Variants in CFL1 observed in about 807,000 individuals in gnomAD.
The protein encoded by CFL1 is cofilin 1.
CFL1 carries 2 observed loss-of-function variants against 16.3 expected under a neutral mutation model. That is an observed-to-expected ratio of 0.12 (90% CI 0.05 to 0.39). The LOEUF (loss-of-function observed/expected upper bound fraction) is 0.39, where lower values mean the gene tolerates loss of function less well. CFL1 is among the 10% of genes least tolerant of loss of function. The probability of loss-of-function intolerance (pLI) is 0.99; values close to 1 mark genes in which losing one functional copy is unlikely to be tolerated. For synonymous variants in CFL1, 111 were observed against 84.4 expected (o/e 1.31, Z -1.73); for missense variants, 75 against 212.2 (o/e 0.35, Z 4.02).
At chr11:65,856,536 C>T (rs987739909) in intron 1 of CFL1, 2 of 370,770 alleles carry the variant, frequency 5.4e-6, no homozygotes, top group African/African-American at 2.1e-5. Flanking sequence ...ATTAAAAGAT[C>T]CACCGGCTAC....
intron 1 of CFL1, chr11:65,856,470 G>C: frequency 1.9e-6 from 1 of 521,112 alleles, no homozygotes; most frequent in Non-Finnish European, 3.4e-6. Context: ...TCATTTTACA[G>C]GATAGAAATG....
In CFL1 at chr11:65,855,493, G is replaced by T. The variant is rs1262279638; in HGVS notation, c.389-45C>A. 5.0e-6 allele frequency: 8 copies of T among 1,592,856 alleles called. No homozygotes were observed. The South Asian group carries it at 8.8e-5, about 18-fold the overall frequency. ...GCATCTGTGAGCAGGAAGCACTGGG[G>T]TGGGGGTAGTTTCTGTGGCTGGGAA... is the stretch of plus-strand genomic sequence containing the variant. On this transcript the variant is annotated intron_variant, in intron 3 of 3. Coordinates refer to ENST00000308162, the MANE Select transcript of CFL1 (RefSeq NM_005507.3).
At chr11:65,855,478 G>A in intron 3 of CFL1, 30 bp from the exon 4 acceptor site, 1 of 1,606,124 alleles carries the variant, frequency 6.2e-7, no homozygotes, top group East Asian at 2.2e-5. Context: ...GCATCTGTGA[G>A]CAGGAAGCAC....
chr11:65,855,842 C>T, intron 2 of CFL1, 93 bp downstream of exon 2: 1 of 1,511,048 alleles, frequency 6.6e-7, no homozygotes, highest in Non-Finnish European at 9.0e-7. Flanking sequence ...CCTCCCCCTC[C>T]AAACCCACAC....
At chr11:65,857,166 C>T (rs1019821286) in intron 1 of CFL1, 10 of 180,508 alleles carry the variant, frequency 5.5e-5, no homozygotes, top group South Asian at 1.2e-4. Context: ...CCTAAAACAA[C>T]GGGTGTATCA....
chr11:65,857,570 G>C (rs1859410656), intron 1 of CFL1: 1 of 224,138 alleles, frequency 4.5e-6, no homozygotes, highest in South Asian at 3.2e-5. Flanking sequence ...ATCACCCCTC[G>C]CCGCGCCAGC....
Position 65,858,087 on chromosome 11 carries a change from T to A in CFL1, c.3+10A>T. On this transcript the variant is annotated intron_variant, in intron 1 of 3. Coordinates refer to ENST00000308162, the MANE Select transcript of CFL1 (RefSeq NM_005507.3). The stretch of plus-strand genomic sequence containing the variant: ...GCCGCCTCCCTCAGGCGCCGTGGCC[T>A]GCCGCTCACCATGTTTCCGGAAACG... 1.3e-6 allele frequency: 2 copies of A among 1,535,576 alleles called. No homozygotes were observed. The highest frequency in any genetic ancestry group is 2.4e-5 in the South Asian group (2 of 82,570).
chr11:65,856,707 TACA>T (rs1859391875), intron 1 of CFL1: 1 of 187,022 alleles, frequency 5.3e-6, no homozygotes, highest in African/African-American at 2.4e-5. Flanking sequence ...ACCGAACAGT[TACA>T]ACAAACCCAC....
chr11:65,856,541 G>A (rs1355961131), intron 1 of CFL1: 1 of 363,396 alleles, frequency 2.8e-6, no homozygotes, highest in African/African-American at 2.1e-5. Context: ...AAGATCCACC[G>A]GCTACTGACT....
intron 1 of CFL1, 85 bp from the exon 2 acceptor site, chr11:65,856,327 G>C (rs1038499448): frequency 5.1e-6 from 7 of 1,376,592 alleles, no homozygotes; most frequent in African/African-American, 1.4e-5. Flanking sequence ...TCCACGTCCC[G>C]AGTGGTCACT....
rs1317894123 is a variant in CFL1, at chr11:65,856,018, T to C, written c.228A>G (p.Pro76=). 6.2e-7 allele frequency: 1 copy of C among 1,614,170 alleles called. No individual in the cohort carries two copies. Among genetic ancestry groups the C allele is most frequent in the South Asian group, 1.1e-5 (1 of 91,082 alleles). Residue 76 remains proline (P), a synonymous_variant, in exon 2 of 4, where the codon CCA becomes CCG. Transcript: ENST00000308162. ...AGAGGGCATAGCGGCAGTCCTTATC[T>C]GGCAGCATCTTGACAAAGGTGGCGT... ...DPYATFVKML[P]DKDCRYALYD...
At chr11:65,857,553 T>C in intron 1 of CFL1, 2 of 248,964 alleles carry the variant, frequency 8.0e-6, no homozygotes, top group Non-Finnish European at 1.8e-5. Context: ...GACCCCGTCT[T>C]CCCAGCATCA....
Position 65,858,091 on chromosome 11 carries a change from G to A in CFL1, c.3+6C>T, listed in dbSNP as rs1255871221. ...CCTCCCTCAGGCGCCGTGGCCTGCCGCTCACCATGTTTCCGGAAACGAAAA... is the reference window on the plus strand; with the variant it reads ...CCTCCCTCAGGCGCCGTGGCCTGCCACTCACCATGTTTCCGGAAACGAAAA... On this transcript the variant is annotated splice_donor_region_variant and intron_variant, in intron 1 of 3. Transcript: ENST00000308162. The A allele has an allele frequency of 4.6e-6, 7 of 1,534,838 alleles. No homozygotes were observed. Among genetic ancestry groups the A allele is most frequent in the Non-Finnish European group, 6.1e-6 (7 of 1,141,374 alleles).
chr11:65,855,251 C>T lies in CFL1; in HGVS notation c.*85G>A, dbSNP rs763865558. On this transcript the variant is annotated 3_prime_UTR_variant, in exon 4 of 4. Transcript: ENST00000308162. Reference sequence around the variant, plus strand: ...CCTGCTGGGATCCCCCCAGCCCCTCCGGTCTGGCAGGAAGGGGGCAGCCTG... The same window carrying T: ...CCTGCTGGGATCCCCCCAGCCCCTCTGGTCTGGCAGGAAGGGGGCAGCCTG... 67 of 1,143,062 alleles carry T rather than the reference C, an allele frequency of 5.9e-5. 1 individual carries two copies. Among genetic ancestry groups the T allele is most frequent in the South Asian group, 4.4e-4 (35 of 79,086 alleles). 70.8% of individuals were successfully genotyped at this position (1,143,062 alleles called of 1,614,324 possible).
chr11:65,857,514 T>G (rs1247503722), intron 1 of CFL1: 1 of 308,958 alleles, frequency 3.2e-6, no homozygotes, highest in East Asian at 1.4e-4. Context: ...GTGCAAGGCC[T>G]TAATCGCAGG....
chr11:65,855,363 G>A lies in CFL1; in HGVS notation c.474C>T (p.Val158=). Residue 158 remains valine, a synonymous_variant, in exon 4 of 4, where the codon GTC becomes GTT. Coordinates refer to ENST00000308162, the MANE Select transcript of CFL1 (RefSeq NM_005507.3). ...TLAEKLGGSA[V]ISLEGKPL ...ACAAAGGCTTGCCCTCCAGGGAGAT[G>A]ACGGCACTGCCCCCCAGCTTCTCTG... 1 of 1,612,058 alleles carries A rather than the reference G, an allele frequency of 6.2e-7. No homozygotes were observed.
At position 65,855,095 on chromosome 11, in the gene CFL1, C is replaced by CT. The variant is rs1478238763; in HGVS notation, c.*240dup. ...GGGTGCCTGGGGGGAACTTGGTCTG[C>CT]TTCAGCCCAAGAGGAATCAAAAGAT... is the stretch of plus-strand genomic sequence containing the variant. On this transcript the variant is annotated 3_prime_UTR_variant, in exon 4 of 4. Transcript: ENST00000308162. 1 of 475,512 alleles carries CT rather than the reference C, an allele frequency of 2.1e-6. No homozygotes were observed. The highest frequency in any genetic ancestry group is 2.0e-5 in the African/African-American group (1 of 50,802). The allele number at this position is 475,512 out of a possible 1,614,324, so 29.5% of individuals were successfully genotyped here. A position where few individuals can be genotyped will look rare whatever the true frequency, so the allele number is the denominator to read the frequency against.
At position 65,858,180 on chromosome 11, in the gene CFL1, C is replaced by T. The variant is rs971498937; in HGVS notation, c.-81G>A. On this transcript the variant is annotated 5_prime_UTR_variant, in exon 1 of 4. Transcript: ENST00000308162. The stretch of plus-strand genomic sequence containing the variant: ...CAGCCGCTGCCGGGACCCGACTGAA[C>T]GCGGCCTCTCCCGGCCCCTTCCGTT... The T allele has an allele frequency of 2.3e-5, 33 of 1,457,684 alleles. 1 individual carries two copies. Among genetic ancestry groups the T allele is most frequent in the East Asian group, 2.9e-5 (1 of 34,662 alleles). The allele number at this position is 1,457,684 out of a possible 1,614,324, so 90.3% of individuals were successfully genotyped here.
intron 1 of CFL1, chr11:65,857,598 G>A: frequency 4.7e-6 from 1 of 214,404 alleles, no homozygotes; most frequent in Non-Finnish European, 1.0e-5. Flanking sequence ...CCTCCCGGGC[G>A]CAGGCATCCC....
Sources: gnomAD v4.1 joint callset for allele counts on GRCh38, gnomAD v4.1.1 for gene constraint, MANE v1.5 for transcripts, NCBI Gene and HGNC (gene_info 2026-07-23, HGNC 2026-07-21) for gene names.